The following ZNF837 variants were observed in gnomAD, a reference collection of about 807,000 sequenced individuals.
ZNF837 encodes the protein zinc finger protein 837.
For missense variants in ZNF837, 955 were observed against 801.7 expected (o/e 1.19, Z -2.31); for synonymous variants, 475 against 365.2 (o/e 1.30, Z -3.43).
At chr19:58,380,764 G>A (rs970676988) in intron 1 of ZNF837, among the ~76,000 whole-genome samples, 177 bp downstream of exon 1, 2 of 152,232 alleles carry the variant, frequency 1.3e-5, no homozygotes, top group African/African-American at 2.4e-5. Context: ...AAGGTCGCGA[G>A]TGCTGTGTGG....
At position 58,368,809 on chromosome 19, in the gene ZNF837, C is replaced by A; in HGVS notation, c.524G>T (p.Gly175Val). ...TDCWPCQPGT[G>V]APTCPRTPKP... ...TGGGGTCCTCGGGCAGGTCGGAGCG[C>A]CAGTCCCTGGTTGGCACGGCCAACA... The change falls in exon 3 of 3, where the codon GGC becomes GTC. Residue 175 changes from glycine to valine, a missense_variant. By Grantham distance (109) the Gly-to-Val change is moderately radical. Coordinates refer to ENST00000597582, the MANE Select transcript of ZNF837 (RefSeq NM_138466.2). The A allele has an allele frequency of 6.5e-7, 1 of 1,545,996 alleles. No individual in the cohort carries two copies. The highest frequency in any genetic ancestry group is 8.7e-7 in the Non-Finnish European group (1 of 1,146,654).
intron 1 of ZNF837, among the ~76,000 whole-genome samples, chr19:58,372,415 C>T (rs1263270951): frequency 1.4e-5 from 2 of 141,904 alleles, no homozygotes; most frequent in Non-Finnish European, 3.1e-5. Context: ...TGCCTGTAAT[C>T]CCAACACTTG....
At chr19:58,376,220 G>T (rs993123967) in intron 1 of ZNF837, among the ~76,000 whole-genome samples, 2 of 152,008 alleles carry the variant, frequency 1.3e-5, no homozygotes, top group Non-Finnish European at 2.9e-5. Flanking sequence ...GCGCCCGGCC[G>T]AAGGTGGTTT....
intron 1 of ZNF837, among the ~76,000 whole-genome samples, chr19:58,370,488 C>T (rs565093189): frequency 5.9e-5 from 9 of 152,276 alleles, no homozygotes; most frequent in Non-Finnish European, 1.3e-4. Flanking sequence ...GGAAACAGGA[C>T]GTGCAGATCT....
At chr19:58,374,213 G>A (rs2052223452) in intron 1 of ZNF837, among the ~76,000 whole-genome samples, 1 of 152,210 alleles carries the variant, frequency 6.6e-6, no homozygotes. Flanking sequence ...AATGAACTCA[G>A]GCATTCAAGC....
chr19:58,371,143 C>T (rs1186209135), intron 1 of ZNF837, among the ~76,000 whole-genome samples: 10 of 148,346 alleles, frequency 6.7e-5, no homozygotes, highest in South Asian at 4.3e-4. Flanking sequence ...CGGGAGGCTG[C>T]GGCAGGAGAC....
intron 1 of ZNF837, among the ~76,000 whole-genome samples, chr19:58,380,573 T>C (rs1324996987): frequency 1.3e-5 from 2 of 152,142 alleles, no homozygotes; most frequent in Non-Finnish European, 2.9e-5. Context: ...AAGGCCAGGA[T>C]GCGGGGGCAG....
In ZNF837 at chr19:58,367,788, G is replaced by A. The variant is rs902965195; in HGVS notation, c.1545C>T (p.Arg515=). 29 of 1,536,066 alleles carry A rather than the reference G, an allele frequency of 1.9e-5. No individual in the cohort carries two copies. The highest frequency in any genetic ancestry group is 4.1e-5 in the African/African-American group (3 of 72,932). The part of the protein sequence containing the change: ...CGDCGRAFSQ[R]SNLNEHRKRH... ...GCTTCCGGTGCTCGTTGAGGTTGGA[G>A]CGTTGGCTGAAGGCGCGGCCGCAAT... Residue 515 remains arginine, a synonymous_variant, in exon 3 of 3, where the codon CGC becomes CGT. Transcript: ENST00000597582.
At chr19:58,378,258 CAGG>C (rs1327637075) in intron 1 of ZNF837, among the ~76,000 whole-genome samples, 1 of 152,194 alleles carries the variant, frequency 6.6e-6, no homozygotes, top group Admixed American at 6.5e-5. Context: ...TGCTGAGCAG[CAGG>C]AGGTCAGGGG....
chr19:58,369,608 T>G (rs747284754), intron 2 of ZNF837: 14 of 324,992 alleles, frequency 4.3e-5, no homozygotes, highest in Non-Finnish European at 5.6e-5. Flanking sequence ...TCCCCAACAC[T>G]AGCTCCTAAA....
Position 58,367,761 on chromosome 19 carries a change from C to A in ZNF837, c.1572G>T (p.Arg524=), listed in dbSNP as rs1171259080. Residue 524 remains arginine, a synonymous_variant, in exon 3 of 3, where the codon CGG becomes CGT. Coordinates refer to ENST00000597582, the MANE Select transcript of ZNF837 (RefSeq NM_138466.2). The stretch of plus-strand genomic sequence containing the variant: ...GTCAAGGCGCGGCGCGGCCCCCGTG[C>A]CGCTTCCGGTGCTCGTTGAGGTTGG... ...QRSNLNEHRK[R]HGGRAAP 2.6e-6 allele frequency: 4 copies of A among 1,532,930 alleles called. No homozygotes were observed. The highest frequency in any genetic ancestry group is 1.4e-5 in the African/African-American group (1 of 72,738). 95.0% of individuals were successfully genotyped at this position (1,532,930 alleles called of 1,614,324 possible).
chr19:58,373,777 C>A (rs1568567733), intron 1 of ZNF837, among the ~76,000 whole-genome samples: 1 of 152,242 alleles, frequency 6.6e-6, no homozygotes, highest in Non-Finnish European at 1.5e-5. Flanking sequence ...GTAGAGGGAG[C>A]TGGGCTCCCT....
In ZNF837 at chr19:58,368,301, G is replaced by T; in HGVS notation, c.1032C>A (p.Cys344Ter). Residue 344 changes from cysteine (C) to a stop codon, truncating the protein, a stop_gained, in exon 3 of 3, where the codon TGC becomes TGA. Coordinates refer to ENST00000597582, the MANE Select transcript of ZNF837 (RefSeq NM_138466.2). LOFTEE classifies it low-confidence loss of function (END_TRUNC). ...GGGGACTCCGCTCGCTGTAGTCCCC[G>T]CAGGGCGGGCACCCCAGCCGGAAGG... ...RRAFRLGCPP[C>*]GDYSERSPRR... is the part of the protein sequence containing the mutation. The T allele has an allele frequency of 1.3e-6, 2 of 1,484,492 alleles. No individual in the cohort carries two copies. The highest frequency in any genetic ancestry group is 2.3e-4 in the Middle Eastern group (1 of 4,338). The allele number at this position is 1,484,492 out of a possible 1,614,324, so 92.0% of individuals were successfully genotyped here.
chr19:58,377,552 C>T (rs1599927672), intron 1 of ZNF837, among the ~76,000 whole-genome samples: 2 of 151,982 alleles, frequency 1.3e-5, no homozygotes, highest in Non-Finnish European at 1.5e-5. Flanking sequence ...GTGGGATGAT[C>T]GCTTGAGCCT....
chr19:58,378,446 C>T (rs745308160), intron 1 of ZNF837, among the ~76,000 whole-genome samples: 1 of 152,148 alleles, frequency 6.6e-6, no homozygotes, highest in Non-Finnish European at 1.5e-5. Context: ...CAGCTGGTGG[C>T]ATGAGCAGGG....
chr19:58,369,192 CT>C lies in ZNF837; in HGVS notation c.140del (p.Lys47ArgfsTer26). ...EDRAGSRPTQ[K>X]GDLRGAAGGR... The stretch of plus-strand genomic sequence containing the variant: ...CGCCCGCCGCTCCACGCAGGTCCCC[CT>C]TTTGAGTGGGGCGGCTCCCAGCTCG... On this transcript the variant is annotated frameshift_variant, in exon 3 of 3. Transcript: ENST00000597582. LOFTEE classifies it low-confidence loss of function (END_TRUNC). 3 of 1,449,460 alleles carry C rather than the reference CT, an allele frequency of 2.1e-6. No individual in the cohort carries two copies. The highest frequency in any genetic ancestry group is 5.3e-5 in the East Asian group (2 of 37,788). 89.8% of individuals were successfully genotyped at this position (1,449,460 alleles called of 1,614,324 possible). A position where few individuals can be genotyped will look rare whatever the true frequency, so the allele number is the denominator to read the frequency against.
chr19:58,369,239 G>T lies in ZNF837; in HGVS notation c.94C>A (p.Pro32Thr). ...SGAREKRPEE[P>T]RPLEEDRAGS... ...GCTCGGTCCTCTTCGAGGGGCCTCG[G>T]CTCCTCGGGCCTCTTCTCCCGGGCC... is the stretch of plus-strand genomic sequence containing the variant. Residue 32 changes from proline (P) to threonine (T), a missense_variant, in exon 3 of 3, where the codon CCG becomes ACG. Coordinates refer to ENST00000597582, the MANE Select transcript of ZNF837 (RefSeq NM_138466.2). 7.0e-7 allele frequency: 1 copy of T among 1,425,066 alleles called. No individual in the cohort carries two copies. The highest frequency in any genetic ancestry group is 9.1e-7 in the Non-Finnish European group (1 of 1,093,390). The allele number at this position is 1,425,066 out of a possible 1,614,324, so 88.3% of individuals were successfully genotyped here. A position where few individuals can be genotyped will look rare whatever the true frequency, so the allele number is the denominator to read the frequency against.
chr19:58,368,360 G>T lies in ZNF837; in HGVS notation c.973C>A (p.Arg325Ser), dbSNP rs866555896. 1 of 1,528,914 alleles carries T rather than the reference G, an allele frequency of 6.5e-7. No homozygotes were observed. The allele number at this position is 1,528,914 out of a possible 1,614,324, so 94.7% of individuals were successfully genotyped here. Reference protein sequence around the residue: ...YRHQKTHSAERHRRGPVLARR... With the variant: ...YRHQKTHSAESHRRGPVLARR... ...GCCAGGACGGGGCCACGCCGGTGGCGCTCGGCCGAGTGCGTCTTCTGGTGG... is the reference window on the plus strand; with the variant it reads ...GCCAGGACGGGGCCACGCCGGTGGCTCTCGGCCGAGTGCGTCTTCTGGTGG... Residue 325 changes from arginine (R) to serine (S), a missense_variant, in exon 3 of 3, where the codon CGC becomes AGC. Arg to Ser is a moderately radical substitution (Grantham distance 110). Coordinates refer to ENST00000597582, the MANE Select transcript of ZNF837 (RefSeq NM_138466.2).
At chr19:58,377,214 C>CAAAA (rs59075033) in intron 1 of ZNF837, among the ~76,000 whole-genome samples, 1 of 95,036 alleles carries the variant, frequency 1.1e-5, no homozygotes, top group Non-Finnish European at 2.0e-5. Context: ...GAGACTCCGT[C>CAAAA]AAAAAAAAAA....
Sources: allele counts gnomAD v4.1 joint callset (sites outside exome capture counted in the v4.1 genomes callset), GRCh38; gene constraint gnomAD v4.1.1; transcripts MANE v1.5; gene names NCBI Gene and HGNC (gene_info 2026-07-23, HGNC 2026-07-21).